The following PLEKHG4B variants were observed in gnomAD, a reference collection of about 807,000 sequenced individuals.
PLEKHG4B encodes the protein pleckstrin homology domain-containing family G member 4B.
A neutral mutation model predicts 121.3 loss-of-function variants in PLEKHG4B; 111 were observed. That is an observed-to-expected ratio of 0.92 (90% CI 0.78 to 1.07). PLEKHG4B has a LOEUF of 1.07. Among genes scored for constraint, PLEKHG4B ranks in the 50% least tolerant of loss-of-function variants. The probability of loss-of-function intolerance (pLI) is 0.00; values close to 1 mark genes in which losing one functional copy is unlikely to be tolerated. For missense variants in PLEKHG4B, 1,831 were observed against 1,757.8 expected, an observed-to-expected ratio of 1.04 and a Z score of -0.74; for synonymous variants, 738 against 725.0, an observed-to-expected ratio of 1.02 and a Z score of -0.29.
At chr5:125,115 A>G (rs572147874) in intron 2 of PLEKHG4B, among the ~76,000 whole-genome samples, 1 of 152,304 alleles carries the variant, frequency 6.6e-6, no homozygotes, top group Admixed American at 6.5e-5. Context: ...CCTGAGTGAC[A>G]GAGTGAGACT....
chr5:184,035 A>T lies in PLEKHG4B; in HGVS notation c.*1712A>T, dbSNP rs1005877114. ...TAGATAGATAGATAGATAGACTGACAGACAGATGAGAGGGGCCTTAGGGGC... is the reference window on the plus strand; with the variant it reads ...TAGATAGATAGATAGATAGACTGACTGACAGATGAGAGGGGCCTTAGGGGC... On this transcript the variant is annotated 3_prime_UTR_variant, in exon 20 of 20. Coordinates refer to ENST00000637938, the MANE Select transcript of PLEKHG4B (RefSeq NM_052909.5). 4.6e-5 allele frequency: 7 copies of T among 151,722 alleles called. No homozygotes were observed. The highest frequency in any genetic ancestry group is 2.0e-4 in the East Asian group (1 of 5,102). The allele number at this position is 151,722 out of a possible 1,614,324, so 9.4% of individuals were successfully genotyped here.
At chr5:133,707 G>T (rs973263364) in intron 2 of PLEKHG4B, among the ~76,000 whole-genome samples, 4 of 152,070 alleles carry the variant, frequency 2.6e-5, no homozygotes, top group African/African-American at 9.7e-5. Flanking sequence ...CAACCACCAT[G>T]GAAAACAGCG....
intron 13 of PLEKHG4B, among the ~76,000 whole-genome samples, chr5:168,198 C>T (rs888596461): frequency 3.9e-5 from 6 of 152,216 alleles, no homozygotes; most frequent in Admixed American, 2.0e-4. Context: ...TCACCCCTCA[C>T]GGGAACAGTG....
At chr5:127,227 G>T (rs183858447) in intron 2 of PLEKHG4B, among the ~76,000 whole-genome samples, 7 of 152,104 alleles carry the variant, frequency 4.6e-5, no homozygotes, top group Admixed American at 6.5e-5. Context: ...AAAAGAAAAT[G>T]ATTTGGGGGC....
intron 2 of PLEKHG4B, among the ~76,000 whole-genome samples, chr5:122,250 T>C (rs561812431): frequency 1.3e-5 from 2 of 151,964 alleles, no homozygotes; most frequent in East Asian, 1.9e-4. Context: ...ATTGAACAAA[T>C]AGAAATTATA....
At chr5:104,424 G>A (rs1733915291) in intron 1 of PLEKHG4B, among the ~76,000 whole-genome samples, 1 of 152,192 alleles carries the variant, frequency 6.6e-6, no homozygotes, top group African/African-American at 2.4e-5. Context: ...ACCGTATCCA[G>A]CATATAATAA....
chr5:127,108 G>T (rs142613918), intron 2 of PLEKHG4B, among the ~76,000 whole-genome samples: 2,261 of 152,210 alleles, frequency 0.015, 25 homozygotes, highest in Non-Finnish European at 0.024. Context: ...AACATGCCTA[G>T]TCCCAGGTAG....
At chr5:96,246 T>C (rs1441921264) in intron 1 of PLEKHG4B, among the ~76,000 whole-genome samples, 1 of 152,238 alleles carries the variant, frequency 6.6e-6, no homozygotes, top group African/African-American at 2.4e-5. Flanking sequence ...CTTTGCAGTG[T>C]ACTTTGCAGT....
At chr5:164,335 G>GTGTT (rs1736160266) in intron 13 of PLEKHG4B, among the ~76,000 whole-genome samples, 1 of 152,218 alleles carries the variant, frequency 6.6e-6, no homozygotes, top group Non-Finnish European at 1.5e-5. Flanking sequence ...ATGTGCAGTA[G>GTGTT]TGTTCGTGCT....
At chr5:155,726 A>C (rs961656364) in intron 9 of PLEKHG4B, among the ~76,000 whole-genome samples, 1 of 152,188 alleles carries the variant, frequency 6.6e-6, no homozygotes, top group Non-Finnish European at 1.5e-5. Context: ...CCATTCCAAC[A>C]AGACACAGAG....
chr5:144,468 A>G (rs148733887), intron 5 of PLEKHG4B, among the ~76,000 whole-genome samples: 24 of 152,336 alleles, frequency 1.6e-4, no homozygotes, highest in Admixed American at 5.2e-4. Context: ...TTCTGTGCTT[A>G]CGTTAAAGCC....
intron 19 of PLEKHG4B, 67 bp from the exon 20 acceptor site, chr5:181,937 C>T: frequency 6.5e-7 from 1 of 1,532,576 alleles, no homozygotes; most frequent in Non-Finnish European, 9.0e-7. Context: ...GCTCTGATCC[C>T]ATTCCCGAAC....
At chr5:142,450 T>C (rs1426723316) in intron 3 of PLEKHG4B, among the ~76,000 whole-genome samples, 4 of 150,012 alleles carry the variant, frequency 2.7e-5, no homozygotes, top group African/African-American at 9.9e-5. Context: ...ACCAGTCACA[T>C]GCTTCACACA....
chr5:146,756 C>T (rs573729537), intron 6 of PLEKHG4B, among the ~76,000 whole-genome samples: 2 of 149,574 alleles, frequency 1.3e-5, no homozygotes, highest in African/African-American at 5.0e-5. Context: ...AGTCCTCCCT[C>T]CTCTCTCTCC....
chr5:181,476 A>C (rs1263120888), intron 18 of PLEKHG4B, 38 bp from the exon 19 acceptor site: 2 of 1,598,592 alleles, frequency 1.3e-6, no homozygotes, highest in Non-Finnish European at 1.7e-6. Flanking sequence ...TTAGCCCCCG[A>C]GTTGCTTTGG....
In PLEKHG4B at chr5:117,935, T is replaced by C. The variant is rs190690873; in HGVS notation, c.243+4487T>C. Among the ~76,000 whole-genome samples the C allele has an allele frequency of 2.1e-3, 320 of 152,006 alleles. 4 individuals carry two copies. Among genetic ancestry groups the C allele is most frequent in the Middle Eastern group, 0.014 (4 of 294 alleles). On this transcript the variant is annotated intron_variant, in intron 2 of 19. Coordinates refer to ENST00000637938, the MANE Select transcript of PLEKHG4B (RefSeq NM_052909.5). ...CCATAAAAGAGAGACAGAAGTGAGC[T>C]GGGAATTAGAATAAAATAAATGAAA...
chr5:118,855 C>CT (rs35448860), intron 2 of PLEKHG4B, among the ~76,000 whole-genome samples: 1 of 139,762 alleles, frequency 7.2e-6, no homozygotes, highest in Non-Finnish European at 1.6e-5. Flanking sequence ...CCTCCTCCTT[C>CT]TTTTTTTTTT....
intron 1 of PLEKHG4B, among the ~76,000 whole-genome samples, chr5:111,269 C>A (rs1177124663): frequency 6.6e-6 from 1 of 152,256 alleles, no homozygotes; most frequent in African/African-American, 2.4e-5. Flanking sequence ...CTACCCAATT[C>A]TCAGTCTGCA....
chr5:156,664 T>C lies in PLEKHG4B; in HGVS notation c.2349-109T>C. ...GCCTCCTCCTGGGGCTCCCGTTGCCTTGTGGCATGAGGGAATGGAAAGAGC... is the reference window on the plus strand; with the variant it reads ...GCCTCCTCCTGGGGCTCCCGTTGCCCTGTGGCATGAGGGAATGGAAAGAGC... On this transcript the variant is annotated intron_variant, in intron 10 of 19. Transcript: ENST00000637938. The surrounding 1 kb of genome is among the most constrained non-coding windows in gnomAD (Gnocchi z 4.4). 7.2e-7 allele frequency: 1 copy of C among 1,395,990 alleles called. No individual in the cohort carries two copies. Among genetic ancestry groups the C allele is most frequent in the Admixed American group, 2.5e-5 (1 of 40,170 alleles). The allele number at this position is 1,395,990 out of a possible 1,614,324, so 86.5% of individuals were successfully genotyped here.
Sources: gnomAD v4.1 joint callset for allele counts (sites outside exome capture counted in the v4.1 genomes callset) on GRCh38, gnomAD v4.1.1 for gene constraint, Gnocchi (gnomAD v3.1) non-coding constraint, MANE v1.5 for transcripts, NCBI Gene and HGNC (gene_info 2026-07-23, HGNC 2026-07-21) for gene names.